Variants in SYT1 observed in about 807,000 individuals in gnomAD.
SYT1 encodes synaptotagmin 1, also known as synaptotagmin-1.
Under a neutral mutation model 44.8 loss-of-function variants are expected in SYT1, and 8 were observed. That is an observed-to-expected ratio of 0.18 (90% CI 0.10 to 0.32). The LOEUF (loss-of-function observed/expected upper bound fraction) is 0.32, where lower values mean the gene tolerates loss of function less well. Among genes scored for constraint, SYT1 ranks in the 10% least tolerant of loss-of-function variants. The probability of loss-of-function intolerance (pLI) is 1.00; values close to 1 mark genes in which losing one functional copy is unlikely to be tolerated. For missense variants in SYT1, 286 were observed against 509.3 expected (o/e 0.56, Z 4.22); for synonymous variants, 154 against 188.8 (o/e 0.82, Z 1.51).
At chr12:78,974,791 A>AT (rs1290563394) in intron 1 of SYT1, among the ~76,000 whole-genome samples, 1 of 151,962 alleles carries the variant, frequency 6.6e-6, no homozygotes, top group East Asian at 1.9e-4. Context: ...AGGTACAAGA[A>AT]TTTTTTTAAT....
chr12:79,040,399 T>C, intron 2 of SYT1, among the ~76,000 whole-genome samples: 1 of 152,228 alleles, frequency 6.6e-6, no homozygotes, highest in Admixed American at 6.5e-5. Flanking sequence ...CTTCATGTGT[T>C]TTTTGGCAGC....
chr12:79,293,573 A>T (rs1879740514), intron 6 of SYT1, among the ~76,000 whole-genome samples: 1 of 152,224 alleles, frequency 6.6e-6, no homozygotes, highest in East Asian at 1.9e-4. Context: ...TTGATGAGAA[A>T]TGAACAATAA....
chr12:79,248,863 T>C (rs1027098729), intron 4 of SYT1, among the ~76,000 whole-genome samples: 1 of 152,188 alleles, frequency 6.6e-6, no homozygotes, highest in African/African-American at 2.4e-5. Flanking sequence ...ACTGATTGTA[T>C]AGAAAATCTG....
chr12:79,328,851 A>G (rs1881727555), intron 8 of SYT1, among the ~76,000 whole-genome samples: 1 of 152,060 alleles, frequency 6.6e-6, no homozygotes, highest in South Asian at 2.1e-4. Flanking sequence ...ATCTCAAAAA[A>G]AAAAAAAAAA....
At position 78,972,468 on chromosome 12, in the gene SYT1, C is replaced by A. The variant is rs557649497; in HGVS notation, c.-216-5331C>A. Among the ~76,000 whole-genome samples the A allele has an allele frequency of 2.0e-3, 297 of 151,066 alleles. 2 individuals carry two copies. Among genetic ancestry groups the A allele is most frequent in the African/African-American group, 6.8e-3 (282 of 41,278 alleles). On this transcript the variant is annotated intron_variant, in intron 1 of 10. Transcript: ENST00000261205. Reference sequence around the variant, plus strand: ...TTAAAAATTATGCTATGGGAAAAAACGAACACACAGAAGTTAAAATTAAGG... The same window carrying A: ...TTAAAAATTATGCTATGGGAAAAAAAGAACACACAGAAGTTAAAATTAAGG...
rs185851518 is a variant in SYT1, at chr12:79,362,790, A to G, written c.928+9171A>G. On this transcript the variant is annotated intron_variant, in intron 9 of 10. Transcript: ENST00000261205. ...TGATGTTTGAAAGAGAATAGATAAA[A>G]GGGATAGCTATTCAGGATGATCTCA... Among the ~76,000 whole-genome samples, 1,064 of 152,336 alleles carry G rather than the reference A, an allele frequency of 7.0e-3. 50 individuals are homozygous for G. The highest frequency in any genetic ancestry group is 1.3e-3 in the Non-Finnish European group (89 of 68,026).
intron 3 of SYT1, among the ~76,000 whole-genome samples, chr12:79,054,212 A>G (rs1439411541): frequency 1.3e-5 from 2 of 152,068 alleles, no homozygotes; most frequent in African/African-American, 4.8e-5. Context: ...ACTCAACTAA[A>G]CGGGGACAAC....
At chr12:79,179,110 A>C (rs1347478499) in intron 3 of SYT1, among the ~76,000 whole-genome samples, 11 of 123,178 alleles carry the variant, frequency 8.9e-5, no homozygotes, top group African/African-American at 3.6e-4. Context: ...AGATATATAG[A>C]TATAGATATA....
In SYT1 at chr12:79,281,239, T is replaced by C. The variant is rs142436217; in HGVS notation, c.167-4548T>C. ...AGCACAATTCACAAACGCAGAGGTA[T>C]GGAATCAACCTAAGTGCTCATCAAT... On this transcript the variant is annotated intron_variant, in intron 4 of 10. Transcript: ENST00000261205. Among the ~76,000 whole-genome samples, 570 of 152,222 alleles carry C rather than the reference T, an allele frequency of 3.7e-3. 2 individuals are homozygous for C. Among genetic ancestry groups the C allele is most frequent in the African/African-American group, 0.013 (536 of 41,538 alleles).
At chr12:78,971,625 CAA>C (rs1268360980) in intron 1 of SYT1, among the ~76,000 whole-genome samples, 3 of 151,986 alleles carry the variant, frequency 2.0e-5, no homozygotes, top group African/African-American at 7.2e-5. Context: ...AGAAAACAAA[CAA>C]ATTTTATTTT....
At chr12:78,960,221 G>A (rs1469281550) in intron 1 of SYT1, 3 of 151,760 alleles carry the variant, frequency 2.0e-5, no homozygotes, top group Non-Finnish European at 2.9e-5. Flanking sequence ...TCTAAACATT[G>A]GCCTTTTCAG....
chr12:79,080,800 G>A (rs1876980836), intron 3 of SYT1, among the ~76,000 whole-genome samples: 2 of 152,102 alleles, frequency 1.3e-5, no homozygotes, highest in South Asian at 4.1e-4. Context: ...CAGCCACAAG[G>A]ATGCTGTAGA....
intron 3 of SYT1, among the ~76,000 whole-genome samples, chr12:79,161,151 G>A (rs73357426): frequency 0.01 from 1,583 of 152,210 alleles, 31 homozygotes; most frequent in African/African-American, 0.036. Flanking sequence ...AAGGCAGAAG[G>A]ATCACTTGAG....
intron 2 of SYT1, among the ~76,000 whole-genome samples, chr12:79,039,495 A>C (rs1873370897): frequency 6.6e-6 from 1 of 152,070 alleles, no homozygotes; most frequent in Non-Finnish European, 1.5e-5. Context: ...TACATGCAAG[A>C]AATAGAAATT....
chr12:78,870,941 G>A (rs1201868004), intron 1 of SYT1, among the ~76,000 whole-genome samples: 1 of 152,010 alleles, frequency 6.6e-6, no homozygotes, highest in Non-Finnish European at 1.5e-5. Flanking sequence ...ATGCGATACT[G>A]AATCTTATAT....
chr12:79,275,052 T>C (rs1247320365), intron 4 of SYT1, among the ~76,000 whole-genome samples: 1 of 152,062 alleles, frequency 6.6e-6, no homozygotes, highest in Non-Finnish European at 1.5e-5. Context: ...GCAGGAGAAT[T>C]CACAGTCTTC....
At chr12:79,283,513 T>C (rs1680551070) in intron 4 of SYT1, among the ~76,000 whole-genome samples, 2 of 152,170 alleles carry the variant, frequency 1.3e-5, no homozygotes, top group Non-Finnish European at 2.9e-5. Flanking sequence ...GAGACTTTTA[T>C]GTAGCTCTCT....
intron 2 of SYT1, among the ~76,000 whole-genome samples, chr12:78,988,067 A>G (rs1176386628): frequency 6.6e-6 from 1 of 152,080 alleles, no homozygotes; most frequent in East Asian, 1.9e-4. Flanking sequence ...TACGTGGTCA[A>G]GAAATCAAAC....
chr12:79,250,221 T>A (rs1877115584), intron 4 of SYT1, among the ~76,000 whole-genome samples: 1 of 152,176 alleles, frequency 6.6e-6, no homozygotes, highest in Non-Finnish European at 1.5e-5. Flanking sequence ...TGAACATCCC[T>A]TTTATAGAAG....
Sources: gnomAD v4.1 joint callset for allele counts (sites outside exome capture counted in the v4.1 genomes callset) on GRCh38, gnomAD v4.1.1 for gene constraint, MANE v1.5 for transcripts, NCBI Gene and HGNC (gene_info 2026-07-23, HGNC 2026-07-21) for gene names.